PDXDC1: variants seen among roughly 807,000 people sequenced by gnomAD.
PDXDC1 encodes pyridoxal-dependent decarboxylase domain-containing protein 1.
A neutral mutation model predicts 100.1 loss-of-function variants in PDXDC1; 42 were observed. The ratio of observed to expected loss-of-function variants is 0.42; its 90% CI spans 0.33 to 0.54. PDXDC1 has a LOEUF of 0.54. PDXDC1 is among the 20% of genes least tolerant of loss of function. The pLI is 0.10. For synonymous variants in PDXDC1, 260 were observed against 371.7 expected (o/e 0.70, Z 3.46); for missense variants, 636 against 979.2 (o/e 0.65, Z 4.68).
intron 16 of PDXDC1, among the ~76,000 whole-genome samples, chr16:15,089,585 G>A (rs1297108242): frequency 6.6e-6 from 1 of 151,846 alleles, no homozygotes; most frequent in Non-Finnish European, 1.5e-5. Flanking sequence ...CGGATCACGA[G>A]GTCAGAAGAT....
intron 15 of PDXDC1, chr16:15,029,264 G>C (rs1355400851): frequency 1.7e-6 from 1 of 586,814 alleles, no homozygotes; most frequent in Non-Finnish European, 3.0e-6. Context: ...TGGTGAGCCT[G>C]GGCAGCACAG....
chr16:15,062,132 T>C (rs774878112), intron 16 of PDXDC1, among the ~76,000 whole-genome samples: 7 of 152,122 alleles, frequency 4.6e-5, no homozygotes, highest in Non-Finnish European at 8.8e-5. Flanking sequence ...CTGGGCAACA[T>C]AGCGAGACCA....
chr16:15,021,333 C>T (rs1282944329), intron 12 of PDXDC1, among the ~76,000 whole-genome samples: 15 of 152,182 alleles, frequency 9.9e-5, no homozygotes, highest in African/African-American at 2.9e-4. Flanking sequence ...GCCCAAATAG[C>T]ACTACTGCAC....
chr16:15,098,871 C>T (rs1419015838), intron 16 of PDXDC1, among the ~76,000 whole-genome samples: 1 of 151,606 alleles, frequency 6.6e-6, no homozygotes, highest in Non-Finnish European at 1.5e-5. Context: ...AAAACTCCCT[C>T]TCAAAAAAAA....
intron 1 of PDXDC1, among the ~76,000 whole-genome samples, chr16:14,995,541 G>T (rs557026826): frequency 7.9e-5 from 12 of 152,280 alleles, no homozygotes; most frequent in Middle Eastern, 3.2e-3. Flanking sequence ...GATTCAGTTT[G>T]CCAGTGTTTT....
chr16:15,044,553 T>C lies in PDXDC1; in HGVS notation c.1399+14497T>C, dbSNP rs986591790. On this transcript the variant is annotated intron_variant, in intron 16 of 16. Transcript: ENST00000535621. ...ATCTTCGTGCCACCGCAAAAGAAAG[T>C]ATCGGCAGCACACTGCCAAGGCCAG... The C allele has an allele frequency of 3.5e-5, 23 of 652,866 alleles. No homozygotes were observed. The African/African-American group carries it at 3.6e-4, about 10-fold the overall frequency. The allele number at this position is 652,866 out of a possible 1,614,324, so 40.4% of individuals were successfully genotyped here. A position where few individuals can be genotyped will look rare whatever the true frequency, so the allele number is the denominator to read the frequency against.
chr16:15,145,928 T>C, the PDXDC1 span, among the ~76,000 whole-genome samples: 119 of 152,258 alleles, frequency 7.8e-4, no homozygotes, highest in African/African-American at 2.6e-3. Flanking sequence ...AAAGAACACG[T>C]GTGTCTCCCT....
rs2151672368 is a variant in PDXDC1, at chr16:15,037,556, G to C, written c.*1281G>C. On this transcript the variant is annotated 3_prime_UTR_variant, in exon 23 of 23. Coordinates refer to ENST00000396410, the MANE Select transcript of PDXDC1 (RefSeq NM_015027.4). ...GTATAGCAGATAAAATGGGGGAGGGGTAAATTATCACCTTCAAGAAAATTA... is the reference window on the plus strand; with the variant it reads ...GTATAGCAGATAAAATGGGGGAGGGCTAAATTATCACCTTCAAGAAAATTA... The C allele has an allele frequency of 6.5e-6, 1 of 153,502 alleles. No individual in the cohort carries two copies. The highest frequency in any genetic ancestry group is 3.4e-3 in the Middle Eastern group (1 of 296). 9.5% of individuals were successfully genotyped at this position (153,502 alleles called of 1,614,324 possible).
intron 16 of PDXDC1, chr16:15,073,129 GT>G (rs764873398): frequency 1.3e-6 from 2 of 1,582,156 alleles, no homozygotes; most frequent in Admixed American, 3.7e-5. Context: ...ATATTTTCAA[GT>G]TTCATCTGCC....
the PDXDC1 span, among the ~76,000 whole-genome samples, chr16:15,150,177 T>C: frequency 1.3e-5 from 2 of 151,670 alleles, no homozygotes; most frequent in African/African-American, 2.4e-5. Flanking sequence ...ACCCCGTCTC[T>C]ACTAAAAATA....
the PDXDC1 span, among the ~76,000 whole-genome samples, chr16:15,147,369 C>T: frequency 6.6e-6 from 1 of 152,224 alleles, no homozygotes; most frequent in Non-Finnish European, 1.5e-5. Flanking sequence ...ATGAAATCAT[C>T]ACCACGGCTT....
At chr16:15,142,108 A>T, downstream of PDXDC1, among the ~76,000 whole-genome samples, 1 of 152,162 alleles carries the variant, frequency 6.6e-6, no homozygotes, top group Non-Finnish European at 1.5e-5. Context: ...CACGGGAGAA[A>T]GGAAAGAAGG....
the PDXDC1 span, among the ~76,000 whole-genome samples, chr16:15,149,006 G>A: frequency 6.6e-6 from 1 of 152,222 alleles, no homozygotes; most frequent in Admixed American, 6.5e-5. Flanking sequence ...GAACGCCCGA[G>A]TGCGGGAGCC....
intron 12 of PDXDC1, among the ~76,000 whole-genome samples, chr16:15,021,798 C>T (rs985369968): frequency 7.2e-5 from 11 of 152,402 alleles, no homozygotes; most frequent in East Asian, 1.9e-4. Flanking sequence ...TTCCTGAGAG[C>T]GTAAATCAGC....
intron 12 of PDXDC1, among the ~76,000 whole-genome samples, chr16:15,021,153 G>C (rs1273618318): frequency 6.6e-6 from 1 of 152,292 alleles, no homozygotes; most frequent in Non-Finnish European, 1.5e-5. Flanking sequence ...AAGGCAGGTG[G>C]ATCACTTAAA....
At chr16:15,109,114 T>C (rs1213105682) in intron 16 of PDXDC1, 2 of 146,684 alleles carry the variant, frequency 1.4e-5, no homozygotes, top group Admixed American at 6.9e-5. Context: ...CCTCAATTCA[T>C]TGCTAAATAT....
chr16:15,025,069 T>A (rs1350201530), intron 13 of PDXDC1, among the ~76,000 whole-genome samples: 2 of 152,290 alleles, frequency 1.3e-5, no homozygotes, highest in African/African-American at 4.8e-5. Context: ...GATTCACCTT[T>A]TTTTGGGTGT....
intron 16 of PDXDC1, chr16:15,084,856 AG>A (rs1211471407): frequency 1.4e-5 from 9 of 654,920 alleles, no homozygotes; most frequent in Non-Finnish European, 2.5e-5. Flanking sequence ...ACCTGAGGTC[AG>A]GAGTTCGAGA....
chr16:15,136,925 C>G, intron 16 of PDXDC1: 1 of 1,593,256 alleles, frequency 6.3e-7, no homozygotes, highest in Admixed American at 1.7e-5. Context: ...CAGGCCTGAA[C>G]CACCGCGGTT....
Sources: allele counts gnomAD v4.1 joint callset (sites outside exome capture counted in the v4.1 genomes callset), GRCh38; gene constraint gnomAD v4.1.1; transcripts MANE v1.5; gene names NCBI Gene and HGNC (gene_info 2026-07-23, HGNC 2026-07-21).